Variants in CELF2 observed in about 807,000 individuals in gnomAD.
The protein encoded by CELF2 is CUG triplet repeat RNA-binding protein 2.
CELF2 carries 8 observed loss-of-function variants against 62.6 expected under a neutral mutation model. The ratio of observed to expected loss-of-function variants is 0.13; its 90% CI spans 0.07 to 0.23. The LOEUF is 0.23. Ranked by LOEUF, CELF2 falls within the 10% of genes least tolerant of loss-of-function variation. CELF2 has a pLI of 1.00. For missense variants in CELF2, 333 were observed against 671.0 expected (o/e 0.50, Z 5.56); for synonymous variants, 258 against 250.0 (o/e 1.03, Z -0.30).
chr10:10,922,021 G>T (rs1564823423), intron 2 of CELF2, among the ~76,000 whole-genome samples: 1 of 152,098 alleles, frequency 6.6e-6, no homozygotes, highest in Non-Finnish European at 1.5e-5. Flanking sequence ...ACAGGGGAAA[G>T]TACAAATTGT....
At chr10:10,664,476 A>T in the CELF2 span, among the ~76,000 whole-genome samples, 1 of 152,254 alleles carries the variant, frequency 6.6e-6, no homozygotes, top group African/African-American at 2.4e-5. Flanking sequence ...TTGAAACAAT[A>T]TTACAAAGAC....
the CELF2 span, among the ~76,000 whole-genome samples, chr10:10,470,048 A>C: frequency 6.6e-6 from 1 of 151,916 alleles, no homozygotes; most frequent in Non-Finnish European, 1.5e-5. Flanking sequence ...TTCAGATTTT[A>C]AGATTAGGGA....
the CELF2 span, among the ~76,000 whole-genome samples, chr10:10,772,847 C>CT: frequency 0.24 from 37,110 of 152,130 alleles, 5,130 homozygotes; most frequent in East Asian, 0.5. Flanking sequence ...AGAAAACTCA[C>CT]TATTTGAACA....
chr10:10,726,317 T>G, the CELF2 span, among the ~76,000 whole-genome samples: 1 of 152,210 alleles, frequency 6.6e-6, no homozygotes, highest in African/African-American at 2.4e-5. Context: ...TCATTGTCCA[T>G]GTGTTTTCTG....
rs991292982 is a variant in CELF2, at chr10:11,217,638, C to T, written c.354+131C>T. 3.4e-6 allele frequency: 2 copies of T among 580,268 alleles called. No individual in the cohort carries two copies. The highest frequency in any genetic ancestry group is 3.0e-6 in the Non-Finnish European group (1 of 331,312). The allele number at this position is 580,268 out of a possible 1,614,324, so 35.9% of individuals were successfully genotyped here. ...TTTTGAGGAGTGTGTGCTGACCCCCCAGTTCCCTGCAGCAGCCACACCAGC... is the reference window on the plus strand; with the variant it reads ...TTTTGAGGAGTGTGTGCTGACCCCCTAGTTCCCTGCAGCAGCCACACCAGC... On this transcript the variant is annotated intron_variant, in intron 3 of 12. Coordinates refer to ENST00000633077, the MANE Select transcript of CELF2 (RefSeq NM_001326342.2). The surrounding 1 kb of genome is among the most constrained non-coding windows in gnomAD (Gnocchi z 5.6).
chr10:10,945,161 G>A (rs528911852), intron 2 of CELF2, among the ~76,000 whole-genome samples: 11 of 152,262 alleles, frequency 7.2e-5, no homozygotes, highest in South Asian at 6.2e-4. Flanking sequence ...GATGGGAGCC[G>A]TAGGTGCTAA....
the CELF2 span, among the ~76,000 whole-genome samples, chr10:10,629,669 C>T: frequency 6.6e-6 from 1 of 151,898 alleles, no homozygotes; most frequent in African/African-American, 2.4e-5. Flanking sequence ...TGACAAAAGA[C>T]CCAGTGTGCT....
intron 1 of CELF2, among the ~76,000 whole-genome samples, chr10:10,908,467 G>T (rs746061507): frequency 6.6e-6 from 1 of 151,484 alleles, no homozygotes; most frequent in Non-Finnish European, 1.5e-5. Context: ...TGATCTGCCC[G>T]CCTCGGCCTC....
At chr10:10,787,445 G>T in the CELF2 span, among the ~76,000 whole-genome samples, 122 of 152,190 alleles carry the variant, frequency 8.0e-4, 1 homozygote, top group African/African-American at 2.8e-3. Flanking sequence ...AACAACAGCT[G>T]GTTAAAAGTG....
chr10:10,654,689 C>T, the CELF2 span, among the ~76,000 whole-genome samples: 2 of 98,080 alleles, frequency 2.0e-5, no homozygotes, highest in East Asian at 2.6e-4. Context: ...TAAAAACTCT[C>T]AATAAATTAG....
intron 1 of CELF2, among the ~76,000 whole-genome samples, chr10:11,086,185 G>A (rs1259385664): frequency 6.6e-6 from 1 of 152,142 alleles, no homozygotes; most frequent in Non-Finnish European, 1.5e-5. Flanking sequence ...GGATAATGCA[G>A]TGCCATCTGG....
At chr10:10,980,184 C>A (rs955141446) in intron 2 of CELF2, among the ~76,000 whole-genome samples, 8 of 152,202 alleles carry the variant, frequency 5.3e-5, no homozygotes, top group Non-Finnish European at 1.0e-4. Context: ...AGGAGCAGAT[C>A]ATTCCGGCAG....
intron 1 of CELF2, among the ~76,000 whole-genome samples, chr10:11,107,206 G>T (rs1284933588): frequency 6.6e-6 from 1 of 152,200 alleles, no homozygotes; most frequent in Non-Finnish European, 1.5e-5. Context: ...TGTCCCTGAG[G>T]CCTGGTGAGC....
chr10:10,727,779 A>G, the CELF2 span, among the ~76,000 whole-genome samples: 21 of 151,810 alleles, frequency 1.4e-4, no homozygotes, highest in Non-Finnish European at 2.9e-4. Flanking sequence ...CTGTCTCAAA[A>G]AAAAAAAAAG....
intron 2 of CELF2, among the ~76,000 whole-genome samples, chr10:10,941,622 G>A (rs762739122): frequency 2.5e-4 from 38 of 152,148 alleles, no homozygotes; most frequent in Non-Finnish European, 4.7e-4. Context: ...GCAACAACTC[G>A]TCTCTTCCAT....
chr10:10,792,356 A>G, the CELF2 span: 1 of 398,226 alleles, frequency 2.5e-6, no homozygotes. Context: ...GGAGTGGGTA[A>G]TAATGGAAGG....
At chr10:11,034,771 T>A (rs780858296) in intron 1 of CELF2, among the ~76,000 whole-genome samples, 3 of 152,182 alleles carry the variant, frequency 2.0e-5, no homozygotes, top group Non-Finnish European at 4.4e-5. Context: ...GCATCTGGAT[T>A]TTTATCGAGC....
At chr10:11,019,688 G>T (rs982708166) in intron 1 of CELF2, among the ~76,000 whole-genome samples, 5 of 152,136 alleles carry the variant, frequency 3.3e-5, no homozygotes, top group Non-Finnish European at 7.3e-5. Context: ...GCTTGTACAC[G>T]ATCAGGTTCA....
chr10:10,584,928 G>C, the CELF2 span, among the ~76,000 whole-genome samples: 1 of 152,166 alleles, frequency 6.6e-6, no homozygotes, highest in African/African-American at 2.4e-5. Context: ...CAGTTCTAAA[G>C]TCTAAGAAGG....
Sources: gnomAD v4.1 joint callset for allele counts (sites outside exome capture counted in the v4.1 genomes callset) on GRCh38, gnomAD v4.1.1 for gene constraint, Gnocchi (gnomAD v3.1) non-coding constraint, MANE v1.5 for transcripts, NCBI Gene and HGNC (gene_info 2026-07-23, HGNC 2026-07-21) for gene names.